DAB2IP: variants seen among roughly 807,000 people sequenced by gnomAD.
DAB2IP encodes DAB2 interacting protein, also known as disabled homolog 2-interacting protein.
DAB2IP carries 28 observed loss-of-function variants against 107.2 expected under a neutral mutation model. That is an observed-to-expected ratio of 0.26 (90% CI 0.19 to 0.36). DAB2IP has a LOEUF of 0.36. Ranked by LOEUF, DAB2IP falls within the 10% of genes least tolerant of loss-of-function variation. The pLI, the probability that DAB2IP is intolerant of heterozygous loss-of-function variation, is 1.00. For synonymous variants in DAB2IP, 755 were observed against 706.4 expected (o/e 1.07, Z -1.09); for missense variants, 1,400 against 1,644.7 (o/e 0.85, Z 2.57).
At chr9:121,569,949 C>T (rs1331065478) in intron 1 of DAB2IP, among the ~76,000 whole-genome samples, 1 of 148,688 alleles carries the variant, frequency 6.7e-6, no homozygotes, top group East Asian at 1.9e-4. Context: ...ACCACCACAC[C>T]TCACTAATTA....
intron 1 of DAB2IP, among the ~76,000 whole-genome samples, chr9:121,575,910 G>T (rs1830045946): frequency 6.6e-6 from 1 of 152,060 alleles, no homozygotes; most frequent in Admixed American, 6.5e-5. Flanking sequence ...GACCCAAGGG[G>T]AAGGGTCTCT....
intron 4 of DAB2IP, 29 bp downstream of exon 4, chr9:121,757,195 A>G: frequency 1.2e-6 from 2 of 1,607,922 alleles, no homozygotes; most frequent in Non-Finnish European, 1.7e-6. Context: ...GTTGGGGTGG[A>G]CACCCCATCC....
intron 3 of DAB2IP, among the ~76,000 whole-genome samples, chr9:121,717,824 G>T (rs979287724): frequency 6.6e-6 from 1 of 152,136 alleles, no homozygotes; most frequent in Non-Finnish European, 1.5e-5. Flanking sequence ...GGTCCAGGGG[G>T]AGGGCAGGTA....
At chr9:121,710,694 C>G (rs1830299908) in intron 3 of DAB2IP, among the ~76,000 whole-genome samples, 1 of 152,188 alleles carries the variant, frequency 6.6e-6, no homozygotes, top group Non-Finnish European at 1.5e-5. Flanking sequence ...TCCATCACTA[C>G]CCAGGAGGGT....
chr9:121,601,690 C>T (rs1830687456), intron 1 of DAB2IP, among the ~76,000 whole-genome samples: 1 of 152,056 alleles, frequency 6.6e-6, no homozygotes, highest in East Asian at 1.9e-4. Flanking sequence ...TTTCTTGCAC[C>T]CATAAAACAA....
intron 1 of DAB2IP, among the ~76,000 whole-genome samples, chr9:121,660,641 C>G (rs181709852): frequency 6.6e-6 from 1 of 152,142 alleles, no homozygotes; most frequent in Non-Finnish European, 1.5e-5. Context: ...CCCTGGCCTG[C>G]GGTGAAATGA....
At chr9:121,711,489 G>T (rs1311749282) in intron 3 of DAB2IP, among the ~76,000 whole-genome samples, 1 of 152,194 alleles carries the variant, frequency 6.6e-6, no homozygotes, top group Non-Finnish European at 1.5e-5. Flanking sequence ...TTAATCCAGG[G>T]TTTCCTGTCC....
chr9:121,773,317 C>T (rs975064592), exon 12 of DAB2IP: 26 of 1,397,728 alleles, frequency 1.9e-5, no homozygotes, highest in African/African-American at 1.8e-4. Flanking sequence ...CCACCTCCTG[C>T]CCCCCGCGGC....
chr9:121,778,587 C>T (rs189431989), intron 14 of DAB2IP, among the ~76,000 whole-genome samples: 87 of 152,244 alleles, frequency 5.7e-4, no homozygotes, highest in Non-Finnish European at 4.7e-4. Flanking sequence ...CATTTTCTCT[C>T]CTATTGACTT....
At chr9:121,741,851 A>G (rs757068399) in intron 3 of DAB2IP, among the ~76,000 whole-genome samples, 5 of 150,696 alleles carry the variant, frequency 3.3e-5, no homozygotes, top group Non-Finnish European at 5.9e-5. Context: ...CGGCAATCCT[A>G]TGAGGTAAAT....
chr9:121,678,351 T>A lies in DAB2IP; in HGVS notation c.125-327T>A, dbSNP rs544318566. On this transcript the variant is annotated intron_variant, in intron 1 of 15. Coordinates refer to ENST00000408936, the Ensembl canonical transcript of DAB2IP. ...CTTTTTAGAGCAGAATGGTATTCCT[T>A]TGCATGTCAGTACCATGTGTGTGTG... Among the ~76,000 whole-genome samples, 5 of 152,352 alleles carry A rather than the reference T, an allele frequency of 3.3e-5. No homozygotes were observed. The East Asian group carries it at 9.6e-4, about 29-fold the overall frequency.
At chr9:121,649,917 G>A (rs1050934855), upstream of DAB2IP, among the ~76,000 whole-genome samples, 2 of 152,234 alleles carry the variant, frequency 1.3e-5, no homozygotes, top group East Asian at 3.8e-4. Flanking sequence ...GCAGCCTACC[G>A]GCTGCATGTG....
intron 2 of DAB2IP, among the ~76,000 whole-genome samples, chr9:121,691,327 G>A (rs549065784): frequency 4.6e-5 from 7 of 152,160 alleles, no homozygotes; most frequent in Admixed American, 6.5e-5. Context: ...GGGGACATCC[G>A]GGGAGGCCTC....
At chr9:121,761,632 C>T (rs536255359) in intron 6 of DAB2IP, among the ~76,000 whole-genome samples, 1 of 151,828 alleles carries the variant, frequency 6.6e-6, no homozygotes, top group African/African-American at 2.4e-5. Context: ...GGGGCGGGGA[C>T]CTCCTCCCCA....
intron 14 of DAB2IP, 60 bp from the exon 15 acceptor site, chr9:121,781,404 C>T (rs917958624): frequency 1.3e-6 from 2 of 1,553,868 alleles, no homozygotes; most frequent in African/African-American, 1.4e-5. Flanking sequence ...CTTGTTCTCA[C>T]ACCCTCCCCA....
intron 2 of DAB2IP, among the ~76,000 whole-genome samples, chr9:121,686,257 G>T (rs934116615): frequency 2.6e-5 from 4 of 152,210 alleles, no homozygotes; most frequent in African/African-American, 9.6e-5. Flanking sequence ...AGGATCCCTG[G>T]AATCTTCTGC....
At chr9:121,579,098 C>T (rs1830133887) in intron 1 of DAB2IP, among the ~76,000 whole-genome samples, 1 of 152,156 alleles carries the variant, frequency 6.6e-6, no homozygotes, top group African/African-American at 2.4e-5. Flanking sequence ...CATCAGATCT[C>T]TGCCCCTTAC....
At chr9:121,756,467 C>T (rs1303275262) in intron 3 of DAB2IP, among the ~76,000 whole-genome samples, 1 of 152,244 alleles carries the variant, frequency 6.6e-6, no homozygotes, top group African/African-American at 2.4e-5. Flanking sequence ...CCTCGCTGTC[C>T]TCATCTGTAA....
chr9:121,766,424 C>T (rs1181171457), intron 8 of DAB2IP, 70 bp from the exon 9 acceptor site: 1 of 1,439,900 alleles, frequency 6.9e-7, no homozygotes, highest in Non-Finnish European at 9.6e-7. Context: ...AATGCAGGTT[C>T]CTGCTCTGTG....
Sources: allele counts gnomAD v4.1 joint callset (sites outside exome capture counted in the v4.1 genomes callset), GRCh38; gene constraint gnomAD v4.1.1; transcripts MANE v1.5; gene names NCBI Gene and HGNC (gene_info 2026-07-23, HGNC 2026-07-21).